Variants in TRHDE observed in about 807,000 individuals in gnomAD.
The protein encoded by TRHDE is thyrotropin-releasing hormone-degrading ectoenzyme.
A neutral mutation model predicts 125.7 loss-of-function variants in TRHDE; 72 were observed. The ratio of observed to expected loss-of-function variants is 0.57; its 90% CI spans 0.47 to 0.70. The LOEUF is 0.70. TRHDE is among the 30% of genes least tolerant of loss of function. The pLI, the probability that TRHDE is intolerant of heterozygous loss-of-function variation, is 0.00. For missense variants in TRHDE, 1,110 were observed against 1,327.1 expected (o/e 0.84, Z 2.54); for synonymous variants, 509 against 509.1 (o/e 1.00, Z 0.00).
chr12:72,499,794 C>T (rs546963115), intron 6 of TRHDE, among the ~76,000 whole-genome samples, 159 bp downstream of exon 6: 11 of 152,236 alleles, frequency 7.2e-5, no homozygotes, highest in South Asian at 6.2e-4. Flanking sequence ...TTATGAGCTA[C>T]AGCTTTGCTT....
chr12:72,590,461 A>C (rs1247381651), intron 12 of TRHDE, among the ~76,000 whole-genome samples: 2 of 148,540 alleles, frequency 1.3e-5, no homozygotes, highest in African/African-American at 4.9e-5. Context: ...TTTGGAAACT[A>C]TCTAGTTCTC....
At chr12:72,607,435 AT>A (rs531813368) in intron 12 of TRHDE, among the ~76,000 whole-genome samples, 1 of 151,834 alleles carries the variant, frequency 6.6e-6, no homozygotes, top group Non-Finnish European at 1.5e-5. Context: ...TCCTTCATTG[AT>A]TTTTTTTATG....
intron 2 of TRHDE, among the ~76,000 whole-genome samples, chr12:72,152,148 C>G (rs887801867): frequency 5.3e-5 from 8 of 151,124 alleles, no homozygotes; most frequent in South Asian, 2.1e-4. Context: ...ATTTTATTCT[C>G]TTTGAAGCAA....
At chr12:72,336,931 G>A (rs902937292) in intron 2 of TRHDE, among the ~76,000 whole-genome samples, 2 of 152,166 alleles carry the variant, frequency 1.3e-5, no homozygotes, top group African/African-American at 4.8e-5. Flanking sequence ...ACTACTCAAA[G>A]TGGTCTGCAG....
In TRHDE at chr12:72,345,315, A is replaced by G. The variant is rs79905308; in HGVS notation, c.1189-32680A>G. Among the ~76,000 whole-genome samples, 146 of 152,254 alleles carry G rather than the reference A, an allele frequency of 9.6e-4. 2 individuals carry two copies. In the East Asian group the frequency reaches 0.021, roughly 22 times the overall value. ...TGACTTACAGTATTTGCTGATTTAT[A>G]TGGTGTATATACTCACACTAAAGCC... On this transcript the variant is annotated intron_variant, in intron 2 of 18. Transcript: ENST00000261180.
At chr12:72,560,636 A>C (rs1228271995) in intron 7 of TRHDE, 1 of 152,128 alleles carries the variant, frequency 6.6e-6, no homozygotes, top group Non-Finnish European at 1.5e-5. Context: ...AGCATGGGCC[A>C]CATAATGGAA....
intron 6 of TRHDE, among the ~76,000 whole-genome samples, chr12:72,512,965 A>C (rs1369489514): frequency 1.3e-5 from 2 of 152,068 alleles, no homozygotes; most frequent in East Asian, 3.9e-4. Context: ...AATAATTGTG[A>C]ATGAATTGTG....
At chr12:72,509,491 C>T (rs1345597926) in intron 6 of TRHDE, among the ~76,000 whole-genome samples, 2 of 152,148 alleles carry the variant, frequency 1.3e-5, no homozygotes, top group Non-Finnish European at 2.9e-5. Context: ...AACTCCTTCC[C>T]ACATGAGGGC....
At chr12:72,103,669 G>A (rs141929013) in intron 1 of TRHDE, among the ~76,000 whole-genome samples, 3 of 152,088 alleles carry the variant, frequency 2.0e-5, no homozygotes, top group Non-Finnish European at 4.4e-5. Context: ...TACAGTATAA[G>A]TTCTTTAAGG....
intron 2 of TRHDE, among the ~76,000 whole-genome samples, chr12:72,198,263 T>C (rs1330102912): frequency 6.6e-6 from 1 of 152,164 alleles, no homozygotes; most frequent in African/African-American, 2.4e-5. Context: ...GATACTCTTA[T>C]GAACAATTAT....
chr12:72,109,875 G>T (rs946479111), intron 2 of TRHDE, among the ~76,000 whole-genome samples: 1 of 152,076 alleles, frequency 6.6e-6, no homozygotes, highest in Non-Finnish European at 1.5e-5. Flanking sequence ...TTACTTAGCA[G>T]GAAAAGAGGG....
chr12:72,597,762 T>TATAC (rs1555200904), intron 12 of TRHDE, among the ~76,000 whole-genome samples: 26 of 80,444 alleles, frequency 3.2e-4, no homozygotes, highest in South Asian at 9.4e-4. Flanking sequence ...TATATATGCA[T>TATAC]ACACACACAA....
intron 12 of TRHDE, among the ~76,000 whole-genome samples, chr12:72,584,671 G>T (rs1464677605): frequency 1.3e-5 from 2 of 151,942 alleles, no homozygotes; most frequent in Admixed American, 6.6e-5. Context: ...TCTGTGCCTG[G>T]CTTATTTCAC....
intron 2 of TRHDE, among the ~76,000 whole-genome samples, chr12:72,346,336 A>G (rs924106192): frequency 3.9e-5 from 6 of 152,088 alleles, no homozygotes; most frequent in African/African-American, 1.2e-4. Flanking sequence ...CAGGTCCGTC[A>G]TTAATGGGCA....
At chr12:72,101,874 T>C (rs915385180) in intron 1 of TRHDE, among the ~76,000 whole-genome samples, 2 of 152,210 alleles carry the variant, frequency 1.3e-5, no homozygotes, top group Admixed American at 6.5e-5. Flanking sequence ...TAAATGCATG[T>C]ATAATTTTTC....
intron 2 of TRHDE, among the ~76,000 whole-genome samples, chr12:72,231,985 A>G (rs901495701): frequency 1.3e-5 from 2 of 152,164 alleles, no homozygotes; most frequent in African/African-American, 4.8e-5. Flanking sequence ...AATAAAATGA[A>G]TTTGTAAATT....
At chr12:72,157,667 A>G (rs115541213) in intron 2 of TRHDE, among the ~76,000 whole-genome samples, 184 of 152,288 alleles carry the variant, frequency 1.2e-3, no homozygotes, top group African/African-American at 4.1e-3. Context: ...AGACCATGGA[A>G]GAAAATGGGA....
chr12:72,121,462 G>A (rs757012868), intron 2 of TRHDE, among the ~76,000 whole-genome samples: 1 of 152,146 alleles, frequency 6.6e-6, no homozygotes, highest in Non-Finnish European at 1.5e-5. Context: ...TACTAGCTGA[G>A]TTTTGCCCTG....
chr12:72,464,999 G>C (rs1408555510), intron 3 of TRHDE, among the ~76,000 whole-genome samples: 2 of 151,988 alleles, frequency 1.3e-5, no homozygotes, highest in African/African-American at 2.4e-5. Flanking sequence ...ATTTTATCAA[G>C]CATTTTCTTT....
Sources: allele counts gnomAD v4.1 joint callset (sites outside exome capture counted in the v4.1 genomes callset), GRCh38; gene constraint gnomAD v4.1.1; transcripts MANE v1.5; gene names NCBI Gene and HGNC (gene_info 2026-07-23, HGNC 2026-07-21).